Variants in CSNK2A1 observed in about 807,000 individuals in gnomAD.
CSNK2A1 encodes the protein casein kinase 2 alpha 1.
A neutral mutation model predicts 62.9 loss-of-function variants in CSNK2A1; 10 were observed. The observed-to-expected ratio is 0.16, with a 90% CI of 0.10 to 0.27. CSNK2A1 has a LOEUF of 0.27. Among genes scored for constraint, CSNK2A1 ranks in the 10% least tolerant of loss-of-function variants. The pLI is 1.00. For synonymous variants in CSNK2A1, 124 were observed against 167.8 expected, an observed-to-expected ratio of 0.74 and a Z score of 2.02; for missense variants, 160 against 492.0, an observed-to-expected ratio of 0.33 and a Z score of 6.38.
intron 2 of CSNK2A1, among the ~76,000 whole-genome samples, chr20:516,734 T>G (rs1176289049): frequency 6.6e-6 from 1 of 152,238 alleles, no homozygotes; most frequent in Non-Finnish European, 1.5e-5. Context: ...AATGTATTTT[T>G]ATTGATGAAT....
chr20:532,656 C>T (rs747465371), intron 1 of CSNK2A1, among the ~76,000 whole-genome samples: 16 of 152,140 alleles, frequency 1.1e-4, no homozygotes, highest in Non-Finnish European at 1.8e-4. Context: ...TAACACAATA[C>T]ACTGGTTGAG....
At chr20:540,548 CT>C (rs1291872403) in intron 1 of CSNK2A1, among the ~76,000 whole-genome samples, 1 of 152,084 alleles carries the variant, frequency 6.6e-6, no homozygotes, top group African/African-American at 2.4e-5. Context: ...TAGGCCTTTT[CT>C]TTTTTGACAG....
intron 1 of CSNK2A1, among the ~76,000 whole-genome samples, chr20:537,844 A>C (rs892925131): frequency 2.6e-5 from 4 of 152,234 alleles, no homozygotes; most frequent in Non-Finnish European, 5.9e-5. Context: ...TAAAATACTA[A>C]GCCCTTACCT....
rs2017825177 is a variant in CSNK2A1 at position 475,310 on chromosome 20, A to C, written c.*8651T>G. On this transcript the variant is annotated 3_prime_UTR_variant, in exon 14 of 14. Transcript: ENST00000217244. ...CCTGTTGTTTTGTAAAAATACAAAAACTATCTGGGTGTGGTGGCATGTGCC... is the reference window on the plus strand; with the variant it reads ...CCTGTTGTTTTGTAAAAATACAAAACCTATCTGGGTGTGGTGGCATGTGCC... 6.6e-6 allele frequency: 1 copy of C among 152,182 alleles called. No individual in the cohort carries two copies. Among genetic ancestry groups the C allele is most frequent in the Non-Finnish European group, 1.5e-5 (1 of 68,048 alleles). The allele number at this position is 152,182 out of a possible 1,614,324, so 9.4% of individuals were successfully genotyped here. A position where few individuals can be genotyped will look rare whatever the true frequency, so the allele number is the denominator to read the frequency against.
chr20:496,591 A>G (rs1195641488), intron 7 of CSNK2A1: 3 of 152,208 alleles, frequency 2.0e-5, no homozygotes, highest in Admixed American at 6.5e-5. Flanking sequence ...CTGGGCAATC[A>G]TATCTGTAAC....
intron 4 of CSNK2A1, chr20:500,631 GCTC>G (rs1239770410): frequency 2.7e-5 from 4 of 146,688 alleles, no homozygotes; most frequent in African/African-American, 1.0e-4. Context: ...GATCACCAAT[GCTC>G]TTTTTTTTTT....
Position 489,693 on chromosome 20 carries a change from A to C in CSNK2A1, c.723+87T>G, listed in dbSNP as rs7268697. On this transcript the variant is annotated intron_variant, in intron 10 of 13. Transcript: ENST00000217244. ...CTAAGGATCAATATCGGGGTGGCTG[A>C]ATAAACAGTGAACTGAAAGTTACAG... 102 of 1,114,830 alleles carry C rather than the reference A, an allele frequency of 9.1e-5. No homozygotes were observed. The African/African-American group carries it at 1.4e-3, about 16-fold the overall frequency. 69.1% of individuals were successfully genotyped at this position (1,114,830 alleles called of 1,614,324 possible). A position where few individuals can be genotyped will look rare whatever the true frequency, so the allele number is the denominator to read the frequency against.
intron 4 of CSNK2A1, 43 bp downstream of exon 4, chr20:505,075 A>C (rs2018546871): frequency 1.3e-6 from 2 of 1,506,800 alleles, no homozygotes; most frequent in African/African-American, 2.8e-5. Context: ...TACTTTTAAA[A>C]ATCTATATTC....
intron 1 of CSNK2A1, among the ~76,000 whole-genome samples, chr20:538,917 A>G (rs1453348655): frequency 6.6e-6 from 1 of 152,206 alleles, no homozygotes; most frequent in Non-Finnish European, 1.5e-5. Flanking sequence ...CTAGACCTTC[A>G]GAAACTACAT....
Position 484,097 on chromosome 20 carries a change from G to A in CSNK2A1, c.1061-21C>T, listed in dbSNP as rs200729414. 8.0e-5 allele frequency: 123 copies of A among 1,536,182 alleles called. 4 individuals carry two copies. The Admixed American group carries it at 2.4e-3, about 30-fold the overall frequency. On this transcript the variant is annotated intron_variant, in intron 13 of 13. Transcript: ENST00000217244. ...AATCCCTGAAAGAAAAGAGCTGTCA[G>A]TGAGCCAAAGACACCAACCATGGCA... is the stretch of plus-strand genomic sequence containing the variant.
rs114071876 is a variant in CSNK2A1 at position 516,686 on chromosome 20, G to C, written c.-109-8026C>G. On this transcript the variant is annotated intron_variant, in intron 2 of 13. Coordinates refer to ENST00000217244, the MANE Select transcript of CSNK2A1 (RefSeq NM_177559.3). ...GAGGCTTAGTAACAGTCCAATACCA[G>C]AAAACTATACAAACAAGTTTGCTTA... Among the ~76,000 whole-genome samples the C allele has an allele frequency of 5.4e-3, 823 of 152,218 alleles. 13 individuals are homozygous for C. The highest frequency in any genetic ancestry group is 0.018 in the African/African-American group (730 of 41,538).
At chr20:525,844 A>G (rs1186082141) in intron 2 of CSNK2A1, among the ~76,000 whole-genome samples, 1 of 145,696 alleles carries the variant, frequency 6.9e-6, no homozygotes, top group Non-Finnish European at 1.5e-5. Context: ...ATTAAAAAAA[A>G]AAAAAAAAAA....
Position 499,803 on chromosome 20 carries a change from G to A in CSNK2A1, c.315+30C>T, listed in dbSNP as rs764097924. On this transcript the variant is annotated intron_variant, in intron 5 of 13. Coordinates refer to ENST00000217244, the MANE Select transcript of CSNK2A1 (RefSeq NM_177559.3). This position sits in a 1 kb window ranked among gnomAD's most constrained non-coding sequence, Gnocchi z 4.2. ...CAGGTCAAACACCATCTCAGCTCTG[G>A]CGGGCCTTGCTAACACCTACTATAC... 1.2e-6 allele frequency: 2 copies of A among 1,603,902 alleles called. No individual in the cohort carries two copies. Among genetic ancestry groups the A allele is most frequent in the South Asian group, 2.2e-5 (2 of 90,556 alleles).
intron 2 of CSNK2A1, among the ~76,000 whole-genome samples, chr20:508,922 G>C (rs1229569852): frequency 2.0e-5 from 3 of 152,294 alleles, no homozygotes; most frequent in East Asian, 3.8e-4. Context: ...AATGATTTTT[G>C]TAAGACAGCC....
intron 1 of CSNK2A1, among the ~76,000 whole-genome samples, chr20:531,985 A>AT (rs1224615592): frequency 6.6e-6 from 1 of 152,234 alleles, no homozygotes; most frequent in Non-Finnish European, 1.5e-5. Flanking sequence ...ATTTTAAAGC[A>AT]TATCCTTTGA....
In CSNK2A1 at chr20:478,069, T is replaced by G. The variant is rs2017883992; in HGVS notation, c.*5892A>C. 1 of 152,180 alleles carries G rather than the reference T, an allele frequency of 6.6e-6. No individual in the cohort carries two copies. The highest frequency in any genetic ancestry group is 2.1e-4 in the South Asian group (1 of 4,828). The allele number at this position is 152,180 out of a possible 1,614,324, so 9.4% of individuals were successfully genotyped here. On this transcript the variant is annotated 3_prime_UTR_variant, in exon 14 of 14. Coordinates refer to ENST00000217244, the MANE Select transcript of CSNK2A1 (RefSeq NM_177559.3). ...ATCCCATATACACAATTTTTTCACTTTTCTAATTAACATACATTTCCCCAT... is the reference window on the plus strand; with the variant it reads ...ATCCCATATACACAATTTTTTCACTGTTCTAATTAACATACATTTCCCCAT...
rs1412361698 is a variant in CSNK2A1 at position 479,764 on chromosome 20, A to G, written c.*4197T>C. 1.3e-5 allele frequency: 2 copies of G among 152,248 alleles called. No homozygotes were observed. The highest frequency in any genetic ancestry group is 6.5e-5 in the Admixed American group (1 of 15,280). 9.4% of individuals were successfully genotyped at this position (152,248 alleles called of 1,614,324 possible). Reference sequence around the variant, plus strand: ...TCTACATATGTTTTACTTGGAGAATAGTCTGAATTTCGTATTACACGTTGA... The same window carrying G: ...TCTACATATGTTTTACTTGGAGAATGGTCTGAATTTCGTATTACACGTTGA... On this transcript the variant is annotated 3_prime_UTR_variant, in exon 14 of 14. Coordinates refer to ENST00000217244, the MANE Select transcript of CSNK2A1 (RefSeq NM_177559.3).
At chr20:488,632 C>T (rs2018151534) in intron 11 of CSNK2A1, 46 bp downstream of exon 11, 2 of 1,584,618 alleles carry the variant, frequency 1.3e-6, no homozygotes. Flanking sequence ...AGTTCACTCT[C>T]AAAGTGCTTA....
chr20:503,952 C>T (rs1388824960), intron 4 of CSNK2A1, among the ~76,000 whole-genome samples: 2 of 152,132 alleles, frequency 1.3e-5, no homozygotes, highest in African/African-American at 2.4e-5. Flanking sequence ...CCGAGGCGGG[C>T]GGATCACCTG....
Sources: gnomAD v4.1 joint callset for allele counts (sites outside exome capture counted in the v4.1 genomes callset) on GRCh38, gnomAD v4.1.1 for gene constraint, Gnocchi (gnomAD v3.1) non-coding constraint, MANE v1.5 for transcripts, NCBI Gene and HGNC (gene_info 2026-07-23, HGNC 2026-07-21) for gene names.